Variants in ANTXR2 observed in about 807,000 individuals in gnomAD.
ANTXR2 encodes the protein anthrax toxin receptor 2.
In ANTXR2, 44 loss-of-function variants were observed where a neutral mutation model predicts 73.7. The ratio of observed to expected loss-of-function variants is 0.60; its 90% CI spans 0.47 to 0.77. The LOEUF is 0.77. Among genes scored for constraint, ANTXR2 ranks in the 30% least tolerant of loss-of-function variants. The pLI, the probability that ANTXR2 is intolerant of heterozygous loss-of-function variation, is 0.00. For missense variants in ANTXR2, 604 were observed against 592.5 expected (o/e 1.02, Z -0.20); for synonymous variants, 217 against 205.9 (o/e 1.05, Z -0.46).
At position 79,991,170 on chromosome 4, in the gene ANTXR2, C is replaced by T. The variant is rs188828722; in HGVS notation, c.1042-6307G>A. 4.8e-3 allele frequency among the ~76,000 whole-genome samples: 732 copies of T among 152,176 alleles called. 37 individuals carry two copies. The highest frequency in any genetic ancestry group is 0.044 in the Admixed American group (672 of 15,256). ...GTCAACAGAGTAAACAGATAATCTA[C>T]AGAATGGGAGAAAATATTTGCAACC... is the stretch of plus-strand genomic sequence containing the variant. On this transcript the variant is annotated intron_variant, in intron 12 of 16. Coordinates refer to ENST00000403729, the MANE Select transcript of ANTXR2 (RefSeq NM_058172.6).
intron 7 of ANTXR2, among the ~76,000 whole-genome samples, chr4:80,047,662 G>T (rs1302554030): frequency 2.0e-5 from 3 of 151,684 alleles, no homozygotes; most frequent in Non-Finnish European, 1.5e-5. Context: ...CTGATGCAAA[G>T]ACAACACCCC....
intron 16 of ANTXR2, among the ~76,000 whole-genome samples, chr4:79,964,362 C>A (rs890258273): frequency 3.9e-5 from 6 of 152,152 alleles, no homozygotes; most frequent in African/African-American, 1.4e-4. Flanking sequence ...CTTGTTACTG[C>A]GAAAAACAAA....
At chr4:80,059,128 T>G (rs908479557) in intron 3 of ANTXR2, among the ~76,000 whole-genome samples, 10 of 152,046 alleles carry the variant, frequency 6.6e-5, no homozygotes, top group African/African-American at 2.4e-4. Flanking sequence ...TTAGCACTCT[T>G]CTTTTTATAT....
chr4:79,991,840 A>T (rs1025286448), intron 12 of ANTXR2, among the ~76,000 whole-genome samples: 2 of 152,136 alleles, frequency 1.3e-5, no homozygotes, highest in Non-Finnish European at 2.9e-5. Context: ...TCCTCAGAGA[A>T]TTAGCACAGA....
intron 7 of ANTXR2, among the ~76,000 whole-genome samples, chr4:80,036,661 T>G (rs1273369601): frequency 2.0e-5 from 3 of 151,786 alleles, no homozygotes; most frequent in Non-Finnish European, 4.4e-5. Context: ...ATGAGCCAGG[T>G]ATGGTGGCTC....
At position 79,984,864 on chromosome 4, in the gene ANTXR2, C is replaced by A. The variant is rs186492219; in HGVS notation, c.1042-1G>T. On this transcript the variant is annotated splice_acceptor_variant, in intron 12 of 16. Coordinates refer to ENST00000403729, the MANE Select transcript of ANTXR2 (RefSeq NM_058172.6). LOFTEE classifies it high-confidence loss of function. Reference sequence around the variant, plus strand: ...GTGGTGGTGGAGGATCCTTAATAACCTGTCAAAAAAAATCAAATATAAAAA... The same window carrying A: ...GTGGTGGTGGAGGATCCTTAATAACATGTCAAAAAAAATCAAATATAAAAA... 1.3e-6 allele frequency: 2 copies of A among 1,597,226 alleles called. No homozygotes were observed. Among genetic ancestry groups the A allele is most frequent in the East Asian group, 4.5e-5 (2 of 44,622 alleles).
rs1427560947 is a variant in ANTXR2 at position 80,002,545 on chromosome 4, C to A, written c.1041+5976G>T. ...ACACCAAAAGCAATGGCAACAAAAG[C>A]CAAAATTGACAAACGGGATCTAATT... On this transcript the variant is annotated intron_variant, in intron 12 of 16. Transcript: ENST00000403729. Among the ~76,000 whole-genome samples, 10 of 152,066 alleles carry A rather than the reference C, an allele frequency of 6.6e-5. 1 individual carries two copies. The highest frequency in any genetic ancestry group is 3.9e-4 in the Admixed American group (6 of 15,262).
intron 16 of ANTXR2, among the ~76,000 whole-genome samples, chr4:79,959,983 T>C (rs931962605): frequency 1.3e-5 from 2 of 152,206 alleles, no homozygotes; most frequent in Non-Finnish European, 2.9e-5. Context: ...AATCCCTCTT[T>C]ACTCCAGAAA....
intron 12 of ANTXR2, among the ~76,000 whole-genome samples, chr4:80,007,455 T>C (rs909602232): frequency 3.9e-5 from 6 of 152,158 alleles, no homozygotes; most frequent in Non-Finnish European, 7.3e-5. Context: ...TGTAGAATGA[T>C]ACCCCCCACC....
intron 3 of ANTXR2, among the ~76,000 whole-genome samples, chr4:80,065,406 T>C (rs1213277527): frequency 2.0e-5 from 3 of 152,112 alleles, no homozygotes; most frequent in Non-Finnish European, 4.4e-5. Flanking sequence ...CTAGATTACT[T>C]ATCTTTGTGT....
intron 14 of ANTXR2, among the ~76,000 whole-genome samples, chr4:79,979,727 T>C (rs1456541879): frequency 6.6e-6 from 1 of 152,176 alleles, no homozygotes; most frequent in African/African-American, 2.4e-5. Flanking sequence ...GACCTTCTCT[T>C]TCCAATCACA....
At chr4:79,982,315 T>C (rs890572189) in intron 14 of ANTXR2, among the ~76,000 whole-genome samples, 2 of 152,126 alleles carry the variant, frequency 1.3e-5, no homozygotes, top group African/African-American at 4.8e-5. Flanking sequence ...AGATTGAAAA[T>C]TGTCCATCCA....
chr4:80,070,789 C>A (rs987361908), intron 2 of ANTXR2, among the ~76,000 whole-genome samples: 1 of 151,686 alleles, frequency 6.6e-6, no homozygotes, highest in Non-Finnish European at 1.5e-5. Context: ...CTGAAAGAAG[C>A]AATATTTAAT....
intron 3 of ANTXR2, among the ~76,000 whole-genome samples, chr4:80,066,509 T>C (rs1211690117): frequency 6.6e-6 from 1 of 152,254 alleles, no homozygotes; most frequent in East Asian, 1.9e-4. Context: ...GTTATTAAAA[T>C]TCCTTTTGGA....
intron 16 of ANTXR2, among the ~76,000 whole-genome samples, chr4:79,912,831 C>A (rs1727202021): frequency 6.6e-6 from 1 of 151,762 alleles, no homozygotes; most frequent in Non-Finnish European, 1.5e-5. Flanking sequence ...TATTCTACAG[C>A]CATTAAAATA....
At chr4:80,033,119 T>C (rs1352100578) in intron 9 of ANTXR2, among the ~76,000 whole-genome samples, 1 of 151,896 alleles carries the variant, frequency 6.6e-6, no homozygotes, top group Non-Finnish European at 1.5e-5. Context: ...ATGTGTTTGA[T>C]GTAGTAGGTA....
Position 80,008,605 on chromosome 4 carries a change from G to T in ANTXR2, c.957C>A (p.Ile319=), listed in dbSNP as rs372195102. The T allele has an allele frequency of 1.9e-6, 3 of 1,600,592 alleles. No individual in the cohort carries two copies. Among genetic ancestry groups the T allele is most frequent in the South Asian group, 1.1e-5 (1 of 87,612 alleles). The part of the protein sequence containing the change: ...IVTATECSNG[I]AAIIVILVLL... The stretch of plus-strand genomic sequence containing the variant: ...ACACCAAAATAACAATGATGGCTGC[G>T]ATCCCGTTAGACTAAAGTAGGCAAA... Residue 319 remains isoleucine (I), a synonymous_variant, in exon 12 of 17, where the codon ATC becomes ATA. Transcript: ENST00000403729.
chr4:79,981,678 T>C (rs1729896887), intron 14 of ANTXR2, among the ~76,000 whole-genome samples: 1 of 152,172 alleles, frequency 6.6e-6, no homozygotes, highest in Admixed American at 6.5e-5. Flanking sequence ...GTTCCAATCA[T>C]TTCAGATAAG....
chr4:80,069,544 A>T (rs1353069317), intron 2 of ANTXR2, 37 bp from the exon 3 acceptor site: 2 of 1,459,750 alleles, frequency 1.4e-6, no homozygotes, highest in African/African-American at 1.4e-5. Flanking sequence ...AAACATTTTT[A>T]AAAAGAAATA....
Sources: gnomAD v4.1 joint callset for allele counts (sites outside exome capture counted in the v4.1 genomes callset) on GRCh38, gnomAD v4.1.1 for gene constraint, MANE v1.5 for transcripts, NCBI Gene and HGNC (gene_info 2026-07-23, HGNC 2026-07-21) for gene names.